The following ABCB1 variants were observed in gnomAD, a reference collection of about 807,000 sequenced individuals.
ABCB1 encodes ATP-dependent translocase ABCB1.
In ABCB1, 69 loss-of-function variants were observed where a neutral mutation model predicts 142.0. The observed-to-expected ratio is 0.49, with a 90% CI of 0.40 to 0.59. The LOEUF is 0.59. Ranked by LOEUF, ABCB1 falls within the 20% of genes least tolerant of loss-of-function variation. The pLI, the probability that ABCB1 is intolerant of heterozygous loss-of-function variation, is 0.00. For synonymous variants in ABCB1, 532 were observed against 539.2 expected, an observed-to-expected ratio of 0.99 and a Z score of 0.18; for missense variants, 1,326 against 1,554.7, an observed-to-expected ratio of 0.85 and a Z score of 2.47.
rs76127752 is a variant in ABCB1, at chr7:87,641,856, T to G, written c.-330-40778A>C. ...AAACAATATCCTCCAAAGATTCATA[T>G]TTAACATTAGATTTTGTGATTTTTA... On this transcript the variant is annotated intron_variant, in intron 1 of 28. Coordinates refer to the ABCB1 transcript ENST00000265724. 3.6e-3 allele frequency among the ~76,000 whole-genome samples: 550 copies of G among 152,326 alleles called. 5 individuals carry two copies. Among genetic ancestry groups the G allele is most frequent in the Admixed American group, 5.1e-3 (78 of 15,300 alleles).
At chr7:87,608,325 T>G (rs1240992417) in intron 1 of ABCB1, among the ~76,000 whole-genome samples, 1 of 152,270 alleles carries the variant, frequency 6.6e-6, no homozygotes, top group Non-Finnish European at 1.5e-5. Flanking sequence ...TTCCGAATGT[T>G]TACTTGTGTT....
At chr7:87,653,093 A>T (rs1371706849) in intron 1 of ABCB1, among the ~76,000 whole-genome samples, 1 of 152,060 alleles carries the variant, frequency 6.6e-6, no homozygotes, top group Non-Finnish European at 1.5e-5. Context: ...TTTTAAAATC[A>T]GATATATTAA....
intron 1 of ABCB1, among the ~76,000 whole-genome samples, chr7:87,615,084 G>T (rs1584924588): frequency 6.6e-6 from 1 of 152,014 alleles, no homozygotes; most frequent in South Asian, 2.1e-4. Context: ...TGACCCGCCC[G>T]CCTCGGCCTC....
chr7:87,508,948 C>A (rs1290604473), intron 26 of ABCB1, among the ~76,000 whole-genome samples: 1 of 152,156 alleles, frequency 6.6e-6, no homozygotes, highest in African/African-American at 2.4e-5. Context: ...TTGTACTTAC[C>A]CCTAAGGCTG....
At chr7:87,671,938 T>C (rs1167889898) in intron 1 of ABCB1, among the ~76,000 whole-genome samples, 2 of 152,114 alleles carry the variant, frequency 1.3e-5, no homozygotes, top group Admixed American at 6.5e-5. Context: ...GAGGCCCTGG[T>C]TGGGAGGTCC....
chr7:87,614,235 A>C (rs2130067184), intron 1 of ABCB1, among the ~76,000 whole-genome samples: 1 of 152,214 alleles, frequency 6.6e-6, no homozygotes, highest in Non-Finnish European at 1.5e-5. Context: ...GTCTCTAAAG[A>C]AAAATTAACA....
chr7:87,544,061 A>T (rs1035271066), intron 17 of ABCB1, 68 bp downstream of exon 17: 6 of 1,582,274 alleles, frequency 3.8e-6, no homozygotes, highest in Non-Finnish European at 5.2e-6. Context: ...TTCAGACACA[A>T]GCACTTTATT....
chr7:87,700,334 A>AT (rs1828916149), intron 1 of ABCB1: 2 of 1,191,684 alleles, frequency 1.7e-6, no homozygotes, highest in Non-Finnish European at 2.3e-6. Context: ...TATTACCTTT[A>AT]TTTTTCAGAA....
intron 1 of ABCB1, among the ~76,000 whole-genome samples, chr7:87,692,866 T>C (rs1031946261): frequency 6.6e-6 from 1 of 152,218 alleles, no homozygotes; most frequent in East Asian, 1.9e-4. Context: ...ATAGATCCTT[T>C]TGGATATGTT....
intron 23 of ABCB1, among the ~76,000 whole-genome samples, chr7:87,517,265 C>T (rs1020408145): frequency 9.2e-5 from 14 of 152,030 alleles, no homozygotes; most frequent in African/African-American, 3.4e-4. Context: ...TTGCTTTGGC[C>T]AACAGGATAT....
At chr7:87,580,265 C>T (rs1818453786) in intron 4 of ABCB1, among the ~76,000 whole-genome samples, 1 of 152,108 alleles carries the variant, frequency 6.6e-6, no homozygotes, top group Non-Finnish European at 1.5e-5. Flanking sequence ...AGCTTTTGTT[C>T]ATCTGAGAAA....
In ABCB1 at chr7:87,531,339, A is replaced by T. The variant is rs780701513; in HGVS notation, c.2640T>A (p.Ser880=). Residue 880 remains serine (S), a synonymous_variant, in exon 21 of 28, where the codon TCT becomes TCA. Coordinates refer to ENST00000622132, the MANE Select transcript of ABCB1 (RefSeq NM_001348946.2). The part of the protein sequence containing the change: ...IAGVVEMKML[S]GQALKDKKEL... ...CTTTCTTATCTTTCAGTGCTTGTCCAGACAACATTTTCATTTCAACAACTC... is the reference window on the plus strand; with the variant it reads ...CTTTCTTATCTTTCAGTGCTTGTCCTGACAACATTTTCATTTCAACAACTC... 9.9e-6 allele frequency: 16 copies of T among 1,613,486 alleles called. No individual in the cohort carries two copies. The highest frequency in any genetic ancestry group is 1.3e-5 in the Non-Finnish European group (15 of 1,179,670).
chr7:87,629,869 G>C (rs574907142), intron 1 of ABCB1, among the ~76,000 whole-genome samples: 3 of 151,076 alleles, frequency 2.0e-5, no homozygotes, highest in Non-Finnish European at 4.4e-5. Flanking sequence ...GTTGCAATGA[G>C]CTGAGATAAC....
intron 9 of ABCB1, among the ~76,000 whole-genome samples, chr7:87,552,801 T>C (rs1357575080): frequency 6.6e-6 from 1 of 151,720 alleles, no homozygotes; most frequent in African/African-American, 2.4e-5. Flanking sequence ...CTACAAAATA[T>C]CATCTCTCAT....
At chr7:87,625,923 G>A (rs1006726994) in intron 1 of ABCB1, among the ~76,000 whole-genome samples, 8 of 150,096 alleles carry the variant, frequency 5.3e-5, no homozygotes, top group African/African-American at 2.0e-4. Context: ...ATTTATCATA[G>A]CACATTAGTT....
intron 7 of ABCB1, among the ~76,000 whole-genome samples, chr7:87,565,037 C>G (rs1337145761): frequency 6.6e-6 from 1 of 152,136 alleles, no homozygotes; most frequent in African/African-American, 2.4e-5. Flanking sequence ...TTAACAGAGA[C>G]CTGAGAACTT....
chr7:87,613,257 C>CTTTTTT (rs67823385), intron 1 of ABCB1, among the ~76,000 whole-genome samples: 25 of 64,198 alleles, frequency 3.9e-4, no homozygotes, highest in African/African-American at 4.5e-4. Flanking sequence ...TCCTTTATTT[C>CTTTTTT]TTTTTTTTTT....
intron 1 of ABCB1, chr7:87,700,660 A>G: frequency 9.5e-7 from 1 of 1,053,868 alleles, no homozygotes; most frequent in Non-Finnish European, 1.4e-6. Context: ...TTTCTTAAGA[A>G]GCATAATAAA....
chr7:87,520,126 C>A (rs997392139), intron 22 of ABCB1, among the ~76,000 whole-genome samples: 11 of 152,072 alleles, frequency 7.2e-5, no homozygotes, highest in Non-Finnish European at 4.4e-5. Flanking sequence ...GGGCTTCCAA[C>A]CCCTCCTGCT....
Sources: gnomAD v4.1 joint callset for allele counts (sites outside exome capture counted in the v4.1 genomes callset) on GRCh38, gnomAD v4.1.1 for gene constraint, MANE v1.5 for transcripts, NCBI Gene and HGNC (gene_info 2026-07-23, HGNC 2026-07-21) for gene names.